The following STRBP variants were observed in gnomAD, a reference collection of about 807,000 sequenced individuals.
STRBP encodes the protein spermatid perinuclear RNA binding protein.
A neutral mutation model predicts 80.1 loss-of-function variants in STRBP; 13 were observed. That is an observed-to-expected ratio of 0.16 (90% CI 0.11 to 0.26). STRBP has a LOEUF of 0.26. STRBP is among the 10% of genes least tolerant of loss of function. STRBP has a pLI of 1.00. For synonymous variants in STRBP, 284 were observed against 291.2 expected (o/e 0.98, Z 0.25); for missense variants, 485 against 815.2 (o/e 0.59, Z 4.93).
intron 12 of STRBP, among the ~76,000 whole-genome samples, chr9:123,147,340 G>A (rs902715435): frequency 9.5e-4 from 144 of 152,116 alleles, no homozygotes; most frequent in African/African-American, 3.4e-3. Flanking sequence ...CAATTGCTCA[G>A]TTAAGATCTA....
At chr9:123,140,964 AT>A (rs2036568090) in intron 13 of STRBP, among the ~76,000 whole-genome samples, 1 of 152,214 alleles carries the variant, frequency 6.6e-6, no homozygotes, top group African/African-American at 2.4e-5. Context: ...GGAGGTTGAT[AT>A]AGCTTTGTCA....
intron 17 of STRBP, among the ~76,000 whole-genome samples, 184 bp from the exon 18 acceptor site, chr9:123,128,442 G>A (rs1161957664): frequency 6.6e-6 from 1 of 152,126 alleles, no homozygotes; most frequent in Admixed American, 6.5e-5. Context: ...CTTAAGATGT[G>A]GGAGCTCCTC....
At chr9:123,268,387 G>C (rs2041325893) in intron 1 of STRBP, 49 bp downstream of exon 1, 1 of 150,374 alleles carries the variant, frequency 6.7e-6, no homozygotes, top group African/African-American at 2.4e-5. Flanking sequence ...ACCGCCGCCC[G>C]CCCGGGACGG....
In STRBP at chr9:123,122,413, C is replaced by T; in HGVS notation, c.*3184G>A. On this transcript the variant is annotated 3_prime_UTR_variant, in exon 19 of 19. Transcript: ENST00000348403. ...CTTCAATTAATAATGGTGGCTGATT[C>T]ATGATTTTCAAACATTCACCCAAAA... The T allele has an allele frequency of 8.5e-7, 1 of 1,175,798 alleles. No individual in the cohort carries two copies. Among genetic ancestry groups the T allele is most frequent in the Admixed American group, 3.6e-5 (1 of 28,082 alleles). 72.8% of individuals were successfully genotyped at this position (1,175,798 alleles called of 1,614,324 possible).
intron 1 of STRBP, among the ~76,000 whole-genome samples, chr9:123,247,149 A>G (rs1482722266): frequency 6.6e-6 from 1 of 152,214 alleles, no homozygotes. Context: ...TGCCCCCCTC[A>G]AAAAGCTATC....
chr9:123,172,756 A>T (rs2038062554), intron 5 of STRBP, among the ~76,000 whole-genome samples: 1 of 152,172 alleles, frequency 6.6e-6, no homozygotes, highest in African/African-American at 2.4e-5. Context: ...TGATCTAGTA[A>T]CAAAGCTAAG....
chr9:123,218,363 T>C (rs1328502646), intron 2 of STRBP, among the ~76,000 whole-genome samples: 2 of 139,088 alleles, frequency 1.4e-5, no homozygotes, highest in African/African-American at 5.5e-5. Context: ...GACTTTTTTT[T>C]TTTTTTTTTT....
intron 2 of STRBP, among the ~76,000 whole-genome samples, chr9:123,216,527 A>C (rs529995715): frequency 6.6e-6 from 1 of 152,334 alleles, no homozygotes; most frequent in South Asian, 2.1e-4. Context: ...ATCATGCTCC[A>C]TGCAAATATA....
intron 1 of STRBP, among the ~76,000 whole-genome samples, chr9:123,249,368 G>A (rs2132625706): frequency 6.6e-6 from 1 of 152,226 alleles, no homozygotes; most frequent in Middle Eastern, 3.4e-3. Context: ...AACAGAGTGA[G>A]ACCCTGTCTC....
At chr9:123,127,482 T>C (rs1018274585) in intron 18 of STRBP, among the ~76,000 whole-genome samples, 2 of 152,240 alleles carry the variant, frequency 1.3e-5, no homozygotes, top group South Asian at 4.1e-4. Flanking sequence ...AGCACCTGAG[T>C]AGAAAAAAGT....
At chr9:123,141,056 A>AAAC (rs2036570944) in intron 13 of STRBP, among the ~76,000 whole-genome samples, 1 of 152,224 alleles carries the variant, frequency 6.6e-6, no homozygotes, top group Admixed American at 6.5e-5. Context: ...AACTGTTTTA[A>AAAC]GTTGCTGAGA....
chr9:123,201,560 T>C (rs1467193622), intron 2 of STRBP, among the ~76,000 whole-genome samples: 2 of 152,204 alleles, frequency 1.3e-5, no homozygotes, highest in Non-Finnish European at 2.9e-5. Flanking sequence ...AGTACTTCTT[T>C]GACTAGTACA....
chr9:123,213,873 G>C (rs937455049), intron 2 of STRBP: 2 of 147,398 alleles, frequency 1.4e-5, no homozygotes, highest in Non-Finnish European at 3.0e-5. Context: ...AGTGAGCCGA[G>C]ATTGCGCCAC....
In STRBP at chr9:123,115,203, T is replaced by A. The variant is rs918002167; in HGVS notation, c.*84+726A>T. ...TCACACTCCCCAAGTGGGCACACTC[T>A]CTCTGTGCATGCATGCCAGGCCCGC... On this transcript the variant is annotated intron_variant and NMD_transcript_variant, in intron 3 of 3. Coordinates refer to the STRBP transcript ENST00000471564. This position sits in a 1 kb window ranked among gnomAD's most constrained non-coding sequence, Gnocchi z 5.0. The A allele has an allele frequency of 1.1e-5, 5 of 471,004 alleles. No homozygotes were observed. Among genetic ancestry groups the A allele is most frequent in the Non-Finnish European group, 1.8e-5 (4 of 227,026 alleles). The allele number at this position is 471,004 out of a possible 1,614,324, so 29.2% of individuals were successfully genotyped here. A position where few individuals can be genotyped will look rare whatever the true frequency, so the allele number is the denominator to read the frequency against.
In STRBP at chr9:123,124,016, A is replaced by G. The variant is rs1588441273; in HGVS notation, c.*1581T>C. The G allele has an allele frequency of 1.0e-6, 1 of 985,444 alleles. No individual in the cohort carries two copies. The highest frequency in any genetic ancestry group is 1.2e-6 in the Non-Finnish European group (1 of 829,938). 61.0% of individuals were successfully genotyped at this position (985,444 alleles called of 1,614,324 possible). ...AAAGTATCACCCACCACTAATAAAG[A>G]CAAAAGACCAAGGAGAAGAAACAAA... On this transcript the variant is annotated 3_prime_UTR_variant, in exon 19 of 19. Transcript: ENST00000348403.
chr9:123,201,130 A>T (rs2039311126), intron 2 of STRBP, among the ~76,000 whole-genome samples: 1 of 151,986 alleles, frequency 6.6e-6, no homozygotes, highest in Non-Finnish European at 1.5e-5. Context: ...TCTCTTCTTG[A>T]TTAATCTAGC....
intron 1 of STRBP, among the ~76,000 whole-genome samples, chr9:123,244,798 T>C (rs2040766156): frequency 6.6e-6 from 1 of 152,222 alleles, no homozygotes; most frequent in African/African-American, 2.4e-5. Flanking sequence ...AATTGTACTC[T>C]TGGGCATTTA....
At chr9:123,208,755 T>C (rs1387904575) in intron 2 of STRBP, among the ~76,000 whole-genome samples, 1 of 152,204 alleles carries the variant, frequency 6.6e-6, no homozygotes, top group African/African-American at 2.4e-5. Context: ...CTTCTAGTAT[T>C]TGTTCCACTG....
chr9:123,152,793 C>G (rs1436470897), intron 11 of STRBP, among the ~76,000 whole-genome samples: 1 of 151,724 alleles, frequency 6.6e-6, no homozygotes, highest in Non-Finnish European at 1.5e-5. Flanking sequence ...GGTGTTGGAA[C>G]AGTTCTGTAT....
Sources: allele counts gnomAD v4.1 joint callset (sites outside exome capture counted in the v4.1 genomes callset), GRCh38; gene constraint gnomAD v4.1.1; non-coding constraint Gnocchi (gnomAD v3.1); transcripts MANE v1.5; gene names NCBI Gene and HGNC (gene_info 2026-07-23, HGNC 2026-07-21).